IMMP2L: variants seen among roughly 807,000 people sequenced by gnomAD.
IMMP2L encodes inner mitochondrial membrane peptidase subunit 2.
A neutral mutation model predicts 19.3 loss-of-function variants in IMMP2L; 18 were observed. The observed-to-expected ratio is 0.93, with a 90% CI of 0.64 to 1.38. The LOEUF is 1.38. Among genes scored for constraint, IMMP2L ranks in the 40% most tolerant of loss-of-function variants. IMMP2L has a pLI of 0.00. For missense variants in IMMP2L, 233 were observed against 218.2 expected (o/e 1.07, Z -0.43); for synonymous variants, 76 against 73.0 (o/e 1.04, Z -0.21).
intron 5 of IMMP2L, among the ~76,000 whole-genome samples, chr7:110,813,510 C>T (rs1212323519): frequency 6.6e-6 from 1 of 151,496 alleles, no homozygotes; most frequent in Non-Finnish European, 1.5e-5. Context: ...ACACAGTGGC[C>T]CTGATCTCCC....
chr7:110,680,055 A>G (rs148633452), intron 5 of IMMP2L, among the ~76,000 whole-genome samples: 20 of 152,310 alleles, frequency 1.3e-4, no homozygotes, highest in Admixed American at 3.9e-4. Context: ...CGTTTCCCCA[A>G]AAAAGGCAGA....
chr7:111,108,277 G>A (rs1312934755), intron 3 of IMMP2L, among the ~76,000 whole-genome samples: 1 of 152,086 alleles, frequency 6.6e-6, no homozygotes, highest in Non-Finnish European at 1.5e-5. Flanking sequence ...TTATATTAAT[G>A]TTTATTATTG....
chr7:111,059,483 CT>C (rs1793817033), intron 3 of IMMP2L, among the ~76,000 whole-genome samples: 1 of 152,234 alleles, frequency 6.6e-6, no homozygotes, highest in African/African-American at 2.4e-5. Flanking sequence ...TGACAAAAGC[CT>C]GTAGTTCTCT....
rs540727332 is a variant in IMMP2L at position 111,033,901 on chromosome 7, T to C, written c.240-70336A>G. ...GATAAATAAATAGTGGTAATATCCATATTATGGAACATTGCTCAGCTATAA... is the reference window on the plus strand; with the variant it reads ...GATAAATAAATAGTGGTAATATCCACATTATGGAACATTGCTCAGCTATAA... On this transcript the variant is annotated intron_variant, in intron 3 of 5. Transcript: ENST00000405709. Among the ~76,000 whole-genome samples the C allele has an allele frequency of 3.3e-5, 5 of 152,266 alleles. No individual in the cohort carries two copies. In the East Asian group the frequency reaches 9.6e-4, roughly 29 times the overall value.
intron 1 of IMMP2L, among the ~76,000 whole-genome samples, chr7:111,550,218 G>A (rs1390690458): frequency 1.3e-5 from 2 of 152,078 alleles, no homozygotes; most frequent in African/African-American, 4.8e-5. Flanking sequence ...GCTACATACT[G>A]TATGATTCTA....
chr7:111,243,371 C>G (rs1224631557), intron 3 of IMMP2L, among the ~76,000 whole-genome samples: 1 of 151,934 alleles, frequency 6.6e-6, no homozygotes, highest in African/African-American at 2.4e-5. Flanking sequence ...TAGTAAATTC[C>G]CAAGCTGTTG....
intron 3 of IMMP2L, among the ~76,000 whole-genome samples, chr7:111,174,008 C>A (rs1160521486): frequency 1.3e-5 from 2 of 151,608 alleles, no homozygotes; most frequent in East Asian, 1.9e-4. Flanking sequence ...TAAATGTGAG[C>A]CTCCTCATGG....
intron 3 of IMMP2L, among the ~76,000 whole-genome samples, chr7:111,358,685 T>G (rs1828965645): frequency 6.6e-6 from 1 of 152,076 alleles, no homozygotes; most frequent in East Asian, 1.9e-4. Flanking sequence ...TTCTATAGTT[T>G]TTGCACTAAA....
intron 3 of IMMP2L, among the ~76,000 whole-genome samples, chr7:111,243,513 T>TC (rs1491217833): frequency 0.026 from 611 of 23,102 alleles, 9 homozygotes; most frequent in African/African-American, 0.073. Context: ...CTTGTTGCTT[T>TC]ATTTTTTTTT....
At chr7:111,241,613 G>A (rs774344482) in intron 3 of IMMP2L, among the ~76,000 whole-genome samples, 5 of 151,980 alleles carry the variant, frequency 3.3e-5, no homozygotes, top group East Asian at 1.9e-4. Context: ...AAAACAAAAT[G>A]CAACTTGTTA....
rs576565242 is a variant in IMMP2L, at chr7:110,758,941, G to A, written c.409-95220C>T. Among the ~76,000 whole-genome samples, 3 of 152,216 alleles carry A rather than the reference G, an allele frequency of 2.0e-5. No individual in the cohort carries two copies. Among genetic ancestry groups the A allele is most frequent in the African/African-American group, 7.2e-5 (3 of 41,560 alleles). ...AGACAGAGACGTCTAGAAATGACCA[G>A]TGGAGATCTTTTCACAGTCTGTTAC... is the stretch of plus-strand genomic sequence containing the variant. On this transcript the variant is annotated intron_variant, in intron 5 of 5. Transcript: ENST00000405709. This position sits in a 1 kb window ranked among gnomAD's most constrained non-coding sequence, Gnocchi z 4.6.
intron 3 of IMMP2L, among the ~76,000 whole-genome samples, chr7:111,385,572 G>A (rs1306466827): frequency 6.6e-6 from 1 of 152,094 alleles, no homozygotes; most frequent in Non-Finnish European, 1.5e-5. Context: ...TGTTAAAGTT[G>A]TAACTAGAGA....
chr7:111,006,307 T>C lies in IMMP2L; in HGVS notation c.240-42742A>G, dbSNP rs549323254. On this transcript the variant is annotated intron_variant, in intron 3 of 5. Transcript: ENST00000405709. ...TGTAAGGTGATTGATGTGCACTAAC[T>C]GGCAAGGATATAGGAGAGGGAAAAG... Among the ~76,000 whole-genome samples, 50 of 152,136 alleles carry C rather than the reference T, an allele frequency of 3.3e-4. 1 individual carries two copies. The highest frequency in any genetic ancestry group is 4.4e-5 in the Non-Finnish European group (3 of 68,014).
chr7:111,492,016 G>A (rs947017499), intron 2 of IMMP2L, among the ~76,000 whole-genome samples: 1 of 151,350 alleles, frequency 6.6e-6, no homozygotes, highest in African/African-American at 2.4e-5. Flanking sequence ...CAACTCATAA[G>A]ATCAAAAATC....
intron 5 of IMMP2L, among the ~76,000 whole-genome samples, chr7:110,687,761 A>G (rs543030027): frequency 6.6e-6 from 1 of 152,202 alleles, no homozygotes; most frequent in African/African-American, 2.4e-5. Context: ...GTGGCAGATT[A>G]CATTTTTCAA....
intron 3 of IMMP2L, among the ~76,000 whole-genome samples, chr7:111,082,761 T>A (rs557528486): frequency 6.6e-6 from 1 of 151,714 alleles, no homozygotes; most frequent in South Asian, 2.1e-4. Flanking sequence ...TTATAAAAGG[T>A]TAAAGATGTA....
At chr7:111,072,094 G>GA (rs1054476317) in intron 3 of IMMP2L, among the ~76,000 whole-genome samples, 15 of 151,832 alleles carry the variant, frequency 9.9e-5, no homozygotes, top group South Asian at 2.1e-4. Flanking sequence ...TCATTGTTGG[G>GA]AAAAAAAATC....
intron 3 of IMMP2L, among the ~76,000 whole-genome samples, chr7:110,977,847 A>T (rs560066842): frequency 6.6e-6 from 1 of 152,124 alleles, no homozygotes; most frequent in African/African-American, 2.4e-5. Context: ...GTAATTTGAC[A>T]ATTTTTTGCA....
At chr7:110,762,973 A>G (rs1798441327) in intron 5 of IMMP2L, among the ~76,000 whole-genome samples, 2 of 152,118 alleles carry the variant, frequency 1.3e-5, no homozygotes, top group South Asian at 2.1e-4. Context: ...CTGTAACACT[A>G]TATGTAATAA....
Sources: allele counts gnomAD v4.1 joint callset (sites outside exome capture counted in the v4.1 genomes callset), GRCh38; gene constraint gnomAD v4.1.1; non-coding constraint Gnocchi (gnomAD v3.1); transcripts MANE v1.5; gene names NCBI Gene and HGNC (gene_info 2026-07-23, HGNC 2026-07-21).